NRXN1: variants seen among roughly 807,000 people sequenced by gnomAD.
NRXN1 encodes neurexin-1.
In NRXN1, 39 loss-of-function variants were observed where a neutral mutation model predicts 150.9. The observed-to-expected ratio is 0.26, with a 90% CI of 0.20 to 0.34. NRXN1 has a LOEUF of 0.34. NRXN1 is among the 10% of genes least tolerant of loss of function. NRXN1 has a pLI of 1.00. For synonymous variants in NRXN1, 924 were observed against 757.0 expected (o/e 1.22, Z -3.62); for missense variants, 1,815 against 1,949.9 (o/e 0.93, Z 1.30).
At chr2:50,427,828 ATT>A (rs2084626069) in intron 17 of NRXN1, among the ~76,000 whole-genome samples, 1 of 152,138 alleles carries the variant, frequency 6.6e-6, no homozygotes, top group African/African-American at 2.4e-5. Flanking sequence ...ATCCATTCCC[ATT>A]TTCTTTATAT....
chr2:49,978,904 G>A (rs1001520657), intron 21 of NRXN1, among the ~76,000 whole-genome samples: 15 of 152,120 alleles, frequency 9.9e-5, no homozygotes, highest in African/African-American at 3.6e-4. Context: ...AATTTTAAGT[G>A]AAAGTGACAT....
At chr2:50,046,763 GA>G (rs1691869737) in intron 21 of NRXN1, among the ~76,000 whole-genome samples, 1 of 152,098 alleles carries the variant, frequency 6.6e-6, no homozygotes, top group Non-Finnish European at 1.5e-5. Context: ...CAACGCCCTT[GA>G]CCACTATGCA....
chr2:50,507,249 C>T (rs1240122798), intron 12 of NRXN1, among the ~76,000 whole-genome samples: 1 of 152,022 alleles, frequency 6.6e-6, no homozygotes, highest in East Asian at 1.9e-4. Context: ...CTAAAAAACA[C>T]ATCGAAATAA....
At position 50,169,207 on chromosome 2, in the gene NRXN1, G is replaced by A. The variant is rs567033251; in HGVS notation, c.3546+67582C>T. On this transcript the variant is annotated intron_variant, in intron 18 of 22. Coordinates refer to ENST00000401669, the MANE Select transcript of NRXN1 (RefSeq NM_001330078.2). The stretch of plus-strand genomic sequence containing the variant: ...GAACTTAAATCACTTGCTGAAAGCC[G>A]TACAGAAAGCAGTAAAAGATCCAGT... Among the ~76,000 whole-genome samples the A allele has an allele frequency of 9.4e-4, 143 of 152,232 alleles. 1 individual carries two copies. Among genetic ancestry groups the A allele is most frequent in the Non-Finnish European group, 1.7e-3 (117 of 68,022 alleles).
At chr2:50,542,377 A>C (rs895748927) in intron 9 of NRXN1, among the ~76,000 whole-genome samples, 1 of 152,212 alleles carries the variant, frequency 6.6e-6, no homozygotes, top group South Asian at 2.1e-4. Context: ...ATTCAAATTT[A>C]ATCCAAGAAA....
At chr2:50,004,851 T>TA (rs756480474) in intron 21 of NRXN1, among the ~76,000 whole-genome samples, 35 of 152,208 alleles carry the variant, frequency 2.3e-4, no homozygotes, top group East Asian at 3.9e-4. Context: ...TAAAATAACT[T>TA]AGACTTTTTC....
intron 21 of NRXN1, among the ~76,000 whole-genome samples, chr2:49,952,836 T>C (rs1216023918): frequency 2.0e-5 from 3 of 152,250 alleles, no homozygotes; most frequent in Non-Finnish European, 1.5e-5. Context: ...TTTGTTTCTC[T>C]CACACAACTA....
rs1461484731 is a variant in NRXN1, at chr2:50,863,427, T to C, written c.832+58442A>G. ...GAGTGGGTTTGTGTGTGTGTTAAAC[T>C]GTATTGAGTTTCAGAGTAAACCTGC... On this transcript the variant is annotated intron_variant, in intron 5 of 22. Coordinates refer to ENST00000401669, the MANE Select transcript of NRXN1 (RefSeq NM_001330078.2). 2.6e-5 allele frequency among the ~76,000 whole-genome samples: 4 copies of C among 152,072 alleles called. No homozygotes were observed. In the East Asian group the frequency reaches 7.8e-4, roughly 30 times the overall value.
chr2:50,191,415 T>C (rs1480909894), intron 18 of NRXN1, among the ~76,000 whole-genome samples: 1 of 152,150 alleles, frequency 6.6e-6, no homozygotes, highest in Non-Finnish European at 1.5e-5. Flanking sequence ...GTCTAGAGAT[T>C]ATTCCGACTT....
At chr2:50,374,468 A>C (rs1373421284) in intron 17 of NRXN1, among the ~76,000 whole-genome samples, 2 of 152,098 alleles carry the variant, frequency 1.3e-5, no homozygotes, top group South Asian at 4.1e-4. Flanking sequence ...ATCAACCATC[A>C]TAAATAAACT....
chr2:50,412,220 T>A (rs2083239902), intron 17 of NRXN1, among the ~76,000 whole-genome samples: 1 of 152,012 alleles, frequency 6.6e-6, no homozygotes, highest in African/African-American at 2.4e-5. Context: ...AGACCTTTGT[T>A]CACATGTTTA....
rs569686410 is a variant in NRXN1 at position 50,084,490 on chromosome 2, C to T, written c.3718+6833G>A. Among the ~76,000 whole-genome samples, 67 of 152,318 alleles carry T rather than the reference C, an allele frequency of 4.4e-4. 1 individual carries two copies. Among genetic ancestry groups the T allele is most frequent in the Middle Eastern group, 3.4e-3 (1 of 294 alleles). On this transcript the variant is annotated intron_variant, in intron 19 of 22. Transcript: ENST00000401669. ...CACTGCCGGGGCCCACAGGGCCGGC[C>T]GGCCGCTGCAAGTGCAGGGCCCACC...
At chr2:50,854,179 T>A (rs1416176679) in intron 5 of NRXN1, among the ~76,000 whole-genome samples, 1 of 152,044 alleles carries the variant, frequency 6.6e-6, no homozygotes, top group African/African-American at 2.4e-5. Context: ...CCTGGGAGCT[T>A]ATTATTTGAA....
intron 21 of NRXN1, among the ~76,000 whole-genome samples, chr2:50,017,856 G>C (rs1157502754): frequency 6.6e-6 from 1 of 152,034 alleles, no homozygotes; most frequent in Non-Finnish European, 1.5e-5. Flanking sequence ...CTTTCTAAGA[G>C]CTATGGGTTT....
intron 17 of NRXN1, among the ~76,000 whole-genome samples, chr2:50,452,637 A>G (rs1023191974): frequency 3.9e-5 from 6 of 152,344 alleles, no homozygotes; most frequent in African/African-American, 1.4e-4. Context: ...CAATTTGTTT[A>G]GCAAGTGGTA....
chr2:50,945,670 A>ATACT (rs1193797411), intron 2 of NRXN1, among the ~76,000 whole-genome samples: 22 of 151,740 alleles, frequency 1.4e-4, no homozygotes, highest in Admixed American at 2.6e-4. Flanking sequence ...GTAATACAGC[A>ATACT]TACTGTATAA....
chr2:50,902,251 C>CA (rs1375290729), intron 5 of NRXN1, among the ~76,000 whole-genome samples: 1 of 151,498 alleles, frequency 6.6e-6, no homozygotes, highest in Admixed American at 6.6e-5. Context: ...TTCATTATAC[C>CA]AAAACATTTA....
rs937300515 is a variant in NRXN1 at position 50,487,346 on chromosome 2, A to G, written c.3070+8559T>C. ...TGTATTGTCCTTACGAACAACCAAA[A>G]TAATTAATTGCAAAGGCCAAAAAGG... On this transcript the variant is annotated intron_variant, in intron 15 of 22. Coordinates refer to ENST00000401669, the MANE Select transcript of NRXN1 (RefSeq NM_001330078.2). Among the ~76,000 whole-genome samples, 4 of 152,322 alleles carry G rather than the reference A, an allele frequency of 2.6e-5. 1 individual carries two copies. Among genetic ancestry groups the G allele is most frequent in the Non-Finnish European group, 4.4e-5 (3 of 68,032 alleles).
rs1003506822 is a variant in NRXN1, at chr2:50,372,868, G to C, written c.3364+92574C>G. ...CAACATTGATCCTACCAAATGCTCAGAAAAGATAAAAGGCCAACAACTGAA... is the reference window on the plus strand; with the variant it reads ...CAACATTGATCCTACCAAATGCTCACAAAAGATAAAAGGCCAACAACTGAA... On this transcript the variant is annotated intron_variant, in intron 17 of 22. Coordinates refer to ENST00000401669, the MANE Select transcript of NRXN1 (RefSeq NM_001330078.2). Among the ~76,000 whole-genome samples the C allele has an allele frequency of 2.6e-5, 4 of 152,118 alleles. No individual in the cohort carries two copies. The South Asian group carries it at 8.3e-4, about 32-fold the overall frequency.
Sources: allele counts gnomAD v4.1 joint callset (sites outside exome capture counted in the v4.1 genomes callset), GRCh38; gene constraint gnomAD v4.1.1; transcripts MANE v1.5; gene names NCBI Gene and HGNC (gene_info 2026-07-23, HGNC 2026-07-21).